The following CELF2 variants were observed in gnomAD, a reference collection of about 807,000 sequenced individuals.
CELF2 encodes the protein CUG triplet repeat RNA-binding protein 2.
Under a neutral mutation model 62.6 loss-of-function variants are expected in CELF2, and 8 were observed. That is an observed-to-expected ratio of 0.13 (90% CI 0.07 to 0.23). The LOEUF is 0.23. Among genes scored for constraint, CELF2 ranks in the 10% least tolerant of loss-of-function variants. The probability of loss-of-function intolerance (pLI) is 1.00; values close to 1 mark genes in which losing one functional copy is unlikely to be tolerated. For missense variants in CELF2, 333 were observed against 671.0 expected (o/e 0.50, Z 5.56); for synonymous variants, 258 against 250.0 (o/e 1.03, Z -0.30).
rs144096721 is a variant in CELF2 at position 10,816,138 on chromosome 10, G to A, written c.53+17321G>A. On this transcript the variant is annotated intron_variant, in intron 1 of 13. Transcript: ENST00000636488. ...TATAAATCACATCTTGAGACCATAA[G>A]TTTCTATATTTGTTGTTGGTAAGCA... 3.6e-3 allele frequency among the ~76,000 whole-genome samples: 551 copies of A among 152,212 alleles called. 2 individuals carry two copies. The highest frequency in any genetic ancestry group is 5.3e-3 in the Non-Finnish European group (361 of 68,014).
intron 2 of CELF2, among the ~76,000 whole-genome samples, chr10:10,925,949 C>A (rs1371687274): frequency 1.3e-5 from 2 of 152,202 alleles, no homozygotes; most frequent in Non-Finnish European, 2.9e-5. Flanking sequence ...CAGCCCCTAC[C>A]TCCTCACCTT....
At chr10:11,279,220 C>A (rs866313405) in intron 8 of CELF2, among the ~76,000 whole-genome samples, 3 of 152,160 alleles carry the variant, frequency 2.0e-5, no homozygotes, top group Admixed American at 1.3e-4. Flanking sequence ...CGTTTCAATT[C>A]TGATTCTGAG....
chr10:11,266,576 C>T, intron 5 of CELF2, 22 bp from the exon 6 acceptor site: 1 of 1,607,126 alleles, frequency 6.2e-7, no homozygotes, highest in Non-Finnish European at 8.5e-7. Context: ...TTTCCTGCTC[C>T]CTGTCCCCTT....
intron 1 of CELF2, among the ~76,000 whole-genome samples, chr10:10,881,814 C>T (rs1364265165): frequency 6.6e-6 from 1 of 152,148 alleles, no homozygotes; most frequent in Non-Finnish European, 1.5e-5. Context: ...CTGCCGCTGC[C>T]TAACAGTCAT....
chr10:10,521,786 C>T, the CELF2 span, among the ~76,000 whole-genome samples: 1 of 152,164 alleles, frequency 6.6e-6, no homozygotes, highest in Non-Finnish European at 1.5e-5. Context: ...TTATTTGATT[C>T]TTTTCATCAA....
chr10:11,020,051 T>G (rs1278915747), intron 1 of CELF2, among the ~76,000 whole-genome samples: 1 of 152,204 alleles, frequency 6.6e-6, no homozygotes, highest in Non-Finnish European at 1.5e-5. Flanking sequence ...AAATTATGAA[T>G]TACAAAAATT....
chr10:11,114,565 A>T (rs1218614341), intron 1 of CELF2, among the ~76,000 whole-genome samples: 2 of 152,242 alleles, frequency 1.3e-5, no homozygotes. Context: ...ATTAAGACCC[A>T]TGGTTGGAAT....
the CELF2 span, among the ~76,000 whole-genome samples, chr10:10,545,725 A>C: frequency 6.6e-6 from 1 of 152,194 alleles, no homozygotes; most frequent in African/African-American, 2.4e-5. Flanking sequence ...TTTTATGTTA[A>C]GAAAGAGTTA....
the CELF2 span, among the ~76,000 whole-genome samples, chr10:10,469,565 G>C: frequency 1.3e-5 from 2 of 151,976 alleles, no homozygotes; most frequent in South Asian, 4.2e-4. Context: ...CTTTTATTAA[G>C]AATTTGGTGT....
At chr10:11,155,277 C>T (rs748894350) in intron 1 of CELF2, among the ~76,000 whole-genome samples, 7 of 152,210 alleles carry the variant, frequency 4.6e-5, no homozygotes, top group South Asian at 2.1e-4. Context: ...GCTGTGCTGC[C>T]GTCCTTGGGA....
At chr10:10,925,422 C>T (rs572815264) in intron 2 of CELF2, among the ~76,000 whole-genome samples, 1 of 152,046 alleles carries the variant, frequency 6.6e-6, no homozygotes, top group Non-Finnish European at 1.5e-5. Flanking sequence ...GCATGGTTGT[C>T]AGCTTGGCAT....
At chr10:10,716,037 T>C in the CELF2 span, among the ~76,000 whole-genome samples, 1 of 152,184 alleles carries the variant, frequency 6.6e-6, no homozygotes, top group African/African-American at 2.4e-5. Context: ...AAAAATTCTA[T>C]TTGAACATCA....
the CELF2 span, among the ~76,000 whole-genome samples, chr10:10,645,542 T>C: frequency 0.16 from 25,090 of 152,144 alleles, 2,253 homozygotes; most frequent in South Asian, 0.24. Flanking sequence ...TAGTCCCAGC[T>C]ACTCAGGAGG....
the CELF2 span, among the ~76,000 whole-genome samples, chr10:10,527,174 G>C: frequency 6.6e-6 from 1 of 152,214 alleles, no homozygotes; most frequent in Non-Finnish European, 1.5e-5. Context: ...CTGTGCAGTG[G>C]CTCACGCCTG....
intron 1 of CELF2, among the ~76,000 whole-genome samples, chr10:10,856,582 A>C (rs1209234006): frequency 6.6e-6 from 1 of 152,116 alleles, no homozygotes; most frequent in Non-Finnish European, 1.5e-5. Flanking sequence ...ATTGCATAAT[A>C]TTTTTTACTT....
chr10:11,084,222 G>A (rs1316429663), intron 1 of CELF2, among the ~76,000 whole-genome samples: 1 of 152,194 alleles, frequency 6.6e-6, no homozygotes, highest in Non-Finnish European at 1.5e-5. Flanking sequence ...TTTGTTGATG[G>A]TGTCTGCCAG....
intron 2 of CELF2, among the ~76,000 whole-genome samples, chr10:11,203,701 T>C (rs882783): frequency 0.75 from 113,472 of 152,132 alleles, 43,122 homozygotes; most frequent in Middle Eastern, 0.83. Context: ...CTGTCAAATC[T>C]AGAATGGACC....
At chr10:10,836,656 T>C (rs939934702) in intron 1 of CELF2, among the ~76,000 whole-genome samples, 5 of 152,344 alleles carry the variant, frequency 3.3e-5, no homozygotes, top group Non-Finnish European at 7.3e-5. Flanking sequence ...ATTTTATTTT[T>C]TTTGAGATGG....
chr10:11,101,182 G>C (rs985243349), intron 1 of CELF2, among the ~76,000 whole-genome samples: 1 of 152,176 alleles, frequency 6.6e-6, no homozygotes, highest in Non-Finnish European at 1.5e-5. Context: ...GGTGGTGTTA[G>C]AGAGCTAGTT....
Sources: allele counts gnomAD v4.1 joint callset (sites outside exome capture counted in the v4.1 genomes callset), GRCh38; gene constraint gnomAD v4.1.1; transcripts MANE v1.5; gene names NCBI Gene and HGNC (gene_info 2026-07-23, HGNC 2026-07-21).